Variants in TBC1D15 observed in about 807,000 individuals in gnomAD.
TBC1D15 encodes the protein GAP for RAB7.
TBC1D15 carries 39 observed loss-of-function variants against 95.4 expected under a neutral mutation model. The ratio of observed to expected loss-of-function variants is 0.41; its 90% CI spans 0.32 to 0.53. TBC1D15 has a LOEUF of 0.53. Among genes scored for constraint, TBC1D15 ranks in the 20% least tolerant of loss-of-function variants. The probability of loss-of-function intolerance (pLI) is 0.29; values close to 1 mark genes in which losing one functional copy is unlikely to be tolerated. For synonymous variants in TBC1D15, 258 were observed against 261.3 expected, an observed-to-expected ratio of 0.99 and a Z score of 0.12; for missense variants, 733 against 794.3, an observed-to-expected ratio of 0.92 and a Z score of 0.93.
Position 71,923,889 on chromosome 12 carries a change from A to T in TBC1D15, c.*685A>T, listed in dbSNP as rs1330609517. 1.3e-5 allele frequency: 2 copies of T among 152,488 alleles called. No homozygotes were observed. Among genetic ancestry groups the T allele is most frequent in the Non-Finnish European group, 2.9e-5 (2 of 68,016 alleles). 9.4% of individuals were successfully genotyped at this position (152,488 alleles called of 1,614,324 possible). A position where few individuals can be genotyped will look rare whatever the true frequency, so the allele number is the denominator to read the frequency against. ...CATATTTTCATTAACTGAATAAACG[A>T]CTTGATTTATATAACCTGGTTTATC... On this transcript the variant is annotated 3_prime_UTR_variant, in exon 17 of 17. Coordinates refer to ENST00000485960, the MANE Select transcript of TBC1D15 (RefSeq NM_001146213.3).
At chr12:71,850,318 A>G in intron 1 of TBC1D15, 1 of 414,786 alleles carries the variant, frequency 2.4e-6, no homozygotes, top group Admixed American at 3.2e-5. Flanking sequence ...GTGGTTTGAA[A>G]GACATCAGAA....
intron 1 of TBC1D15, among the ~76,000 whole-genome samples, chr12:71,870,994 A>G (rs1892552786): frequency 6.6e-6 from 1 of 152,200 alleles, no homozygotes; most frequent in Non-Finnish European, 1.5e-5. Context: ...AATATACACT[A>G]TTGACCAGAC....
At chr12:71,847,792 CTG>C (rs1765172693) in intron 1 of TBC1D15, among the ~76,000 whole-genome samples, 1 of 151,744 alleles carries the variant, frequency 6.6e-6, no homozygotes, top group Non-Finnish European at 1.5e-5. Context: ...TCCACTTTGA[CTG>C]TTACAAATAA....
chr12:71,879,208 C>T (rs1894630648), intron 3 of TBC1D15, among the ~76,000 whole-genome samples: 1 of 151,698 alleles, frequency 6.6e-6, no homozygotes. Flanking sequence ...TCTTGGCTCA[C>T]TGCAACCTCT....
At chr12:71,881,900 C>T (rs945802814) in intron 4 of TBC1D15, among the ~76,000 whole-genome samples, 1 of 122,618 alleles carries the variant, frequency 8.2e-6, no homozygotes, top group Non-Finnish European at 1.6e-5. Flanking sequence ...CCTGGCAACA[C>T]AGCAAGACTC....
intron 6 of TBC1D15, 91 bp from the exon 7 acceptor site, chr12:71,894,595 T>G: frequency 8.1e-7 from 1 of 1,239,750 alleles, no homozygotes; most frequent in Non-Finnish European, 1.1e-6. Context: ...TTTCTTTTCT[T>G]TTAAAAAGCT....
chr12:71,905,101 C>T (rs145913740), intron 10 of TBC1D15, among the ~76,000 whole-genome samples: 5,369 of 152,062 alleles, frequency 0.035, 125 homozygotes, highest in Non-Finnish European at 0.056. Flanking sequence ...TTATATATTA[C>T]TTTTTATCCC....
chr12:71,870,594 A>T (rs1410798020), intron 1 of TBC1D15, among the ~76,000 whole-genome samples: 1 of 152,160 alleles, frequency 6.6e-6, no homozygotes, highest in Non-Finnish European at 1.5e-5. Context: ...GTAATGTGGA[A>T]CCTTTATAAT....
At chr12:71,882,953 A>G (rs778495421) in intron 4 of TBC1D15, among the ~76,000 whole-genome samples, 2 of 152,272 alleles carry the variant, frequency 1.3e-5, no homozygotes, top group Non-Finnish European at 1.5e-5. Context: ...GGAAAAATCT[A>G]TGTAAAACCT....
chr12:71,852,503 G>A (rs146103497), intron 1 of TBC1D15, among the ~76,000 whole-genome samples: 1 of 152,310 alleles, frequency 6.6e-6, no homozygotes, highest in African/African-American at 2.4e-5. Context: ...TGGCCAGGAT[G>A]CAAATTTTCT....
intron 5 of TBC1D15, among the ~76,000 whole-genome samples, chr12:71,886,536 A>G (rs1012145759): frequency 6.6e-6 from 1 of 152,252 alleles, no homozygotes; most frequent in African/African-American, 2.4e-5. Flanking sequence ...TTTAGATTAC[A>G]TAAGGCTTGC....
At chr12:71,848,435 A>G (rs138519533) in intron 1 of TBC1D15, among the ~76,000 whole-genome samples, 145 of 152,296 alleles carry the variant, frequency 9.5e-4, no homozygotes, top group African/African-American at 3.4e-3. Flanking sequence ...TTCTGTAATG[A>G]CTAATGGTGT....
intron 8 of TBC1D15, 114 bp downstream of exon 8, chr12:71,896,189 T>G: frequency 2.1e-6 from 2 of 937,726 alleles, no homozygotes; most frequent in Non-Finnish European, 1.5e-6. Flanking sequence ...TTTTTTTTTT[T>G]GGTGGGGGAA....
At position 71,922,862 on chromosome 12, in the gene TBC1D15, T is replaced by TA. The variant is rs1869966482; in HGVS notation, c.1804-120dup. On this transcript the variant is annotated intron_variant, in intron 16 of 16. Transcript: ENST00000485960. ...TGTTGTGAGAAGGGTACATGACATT[T>TA]ACACTGTTAGGACAAATGCTCAGAT... is the stretch of plus-strand genomic sequence containing the variant. 12 of 939,654 alleles carry TA rather than the reference T, an allele frequency of 1.3e-5. No homozygotes were observed. In the South Asian group the frequency reaches 1.9e-4, roughly 15 times the overall value. 58.2% of individuals were successfully genotyped at this position (939,654 alleles called of 1,614,324 possible).
intron 3 of TBC1D15, among the ~76,000 whole-genome samples, chr12:71,880,247 A>C (rs1391027862): frequency 6.6e-6 from 1 of 150,464 alleles, no homozygotes; most frequent in African/African-American, 2.5e-5. Flanking sequence ...CTTATATTTC[A>C]TTGGCAACTC....
intron 3 of TBC1D15, among the ~76,000 whole-genome samples, chr12:71,876,098 G>T (rs1446997757): frequency 1.3e-5 from 2 of 152,014 alleles, no homozygotes; most frequent in Non-Finnish European, 2.9e-5. Context: ...TAGCCCTAAA[G>T]ATTTTATTAT....
chr12:71,882,455 G>A (rs1030091254), intron 4 of TBC1D15, among the ~76,000 whole-genome samples: 1 of 152,154 alleles, frequency 6.6e-6, no homozygotes, highest in Non-Finnish European at 1.5e-5. Context: ...TGTTTGTTCA[G>A]TTCTTCTGCT....
intron 11 of TBC1D15, among the ~76,000 whole-genome samples, chr12:71,911,415 C>T (rs889156004): frequency 6.6e-6 from 1 of 151,690 alleles, no homozygotes; most frequent in African/African-American, 2.4e-5. Flanking sequence ...AAATGTGGCA[C>T]ATATACACCA....
In TBC1D15 at chr12:71,895,894, A is replaced by T; in HGVS notation, c.856-53A>T. 1.3e-6 allele frequency: 2 copies of T among 1,549,410 alleles called. No individual in the cohort carries two copies. The highest frequency in any genetic ancestry group is 4.5e-5 in the East Asian group (2 of 44,018). ...TTAAATTTAGTTTCTATATGCCTTTATTTCATTTCACTGGTTAAATATGTA... is the reference window on the plus strand; with the variant it reads ...TTAAATTTAGTTTCTATATGCCTTTTTTTCATTTCACTGGTTAAATATGTA... On this transcript the variant is annotated intron_variant, in intron 7 of 16. Transcript: ENST00000485960.
Sources: gnomAD v4.1 joint callset for allele counts (sites outside exome capture counted in the v4.1 genomes callset) on GRCh38, gnomAD v4.1.1 for gene constraint, MANE v1.5 for transcripts, NCBI Gene and HGNC (gene_info 2026-07-23, HGNC 2026-07-21) for gene names.